Variants in ZCCHC10 observed in about 807,000 individuals in gnomAD.
ZCCHC10 encodes zinc finger CCHC-type containing 10, also known as zinc finger CCHC domain-containing protein 10.
In ZCCHC10, 16 loss-of-function variants were observed where a neutral mutation model predicts 19.5. The observed-to-expected ratio is 0.82, with a 90% confidence interval of 0.56 to 1.25. The LOEUF (loss-of-function observed/expected upper bound fraction) is 1.25. Among genes scored for constraint, ZCCHC10 ranks in the 50% most tolerant of loss-of-function variants. The pLI is 0.00. For missense variants in ZCCHC10, 197 were observed against 201.0 expected (o/e 0.98, Z 0.12); for synonymous variants, 67 against 72.5 (o/e 0.92, Z 0.38).
intron 2 of ZCCHC10, among the ~76,000 whole-genome samples, chr5:133,017,630 A>G (rs1764010521): frequency 6.6e-6 from 1 of 152,188 alleles, no homozygotes; most frequent in African/African-American, 2.4e-5. Context: ...TCAGCATCCC[A>G]AAGTGCTGGG....
chr5:133,018,999 C>A (rs1028893227), intron 2 of ZCCHC10: 88 of 424,486 alleles, frequency 2.1e-4, no homozygotes, highest in Non-Finnish European at 3.9e-4. Flanking sequence ...AAACTGGTAG[C>A]TTGGGACCCT....
At chr5:133,024,561 T>C (rs940841480) in intron 1 of ZCCHC10, among the ~76,000 whole-genome samples, 5 of 152,164 alleles carry the variant, frequency 3.3e-5, no homozygotes, top group African/African-American at 1.2e-4. Flanking sequence ...GGTGACATCA[T>C]TTAGCACTCC....
intron 2 of ZCCHC10, among the ~76,000 whole-genome samples, chr5:133,015,487 C>T (rs114762127): frequency 4.6e-4 from 70 of 152,244 alleles, no homozygotes; most frequent in African/African-American, 1.7e-3. Context: ...GACTTCACAA[C>T]TTGCTTCCAA....
intron 3 of ZCCHC10, among the ~76,000 whole-genome samples, chr5:133,002,522 G>A (rs530805818): frequency 2.6e-5 from 4 of 152,008 alleles, no homozygotes; most frequent in African/African-American, 4.8e-5. Flanking sequence ...TTCATAACCC[G>A]TATTTCATTC....
chr5:133,013,345 A>G (rs961863306), intron 2 of ZCCHC10, among the ~76,000 whole-genome samples: 1 of 151,942 alleles, frequency 6.6e-6, no homozygotes, highest in African/African-American at 2.4e-5. Context: ...AAGAAAAGCA[A>G]ATTAAAACCC....
intron 2 of ZCCHC10, among the ~76,000 whole-genome samples, chr5:133,010,978 G>A (rs1763466978): frequency 6.7e-6 from 1 of 150,066 alleles, no homozygotes; most frequent in Non-Finnish European, 1.5e-5. Context: ...TTTTAGTAGA[G>A]ATGGGGTTTC....
chr5:133,025,051 T>C (rs1376760107), intron 1 of ZCCHC10, among the ~76,000 whole-genome samples: 1 of 152,150 alleles, frequency 6.6e-6, no homozygotes, highest in African/African-American at 2.4e-5. Flanking sequence ...AAAGGGATTA[T>C]TTGAATTAAA....
chr5:133,001,862 A>G (rs906719368), intron 3 of ZCCHC10, among the ~76,000 whole-genome samples: 4 of 152,016 alleles, frequency 2.6e-5, no homozygotes, highest in African/African-American at 9.7e-5. Flanking sequence ...TTTTTTACAC[A>G]ATGGAATTAC....
intron 1 of ZCCHC10, among the ~76,000 whole-genome samples, chr5:133,023,252 T>C (rs537124879): frequency 6.6e-6 from 1 of 152,216 alleles, no homozygotes; most frequent in Non-Finnish European, 1.5e-5. Context: ...TAAGGTTTAA[T>C]AGAAGAAATG....
At position 133,010,865 on chromosome 5, in the gene ZCCHC10, C is replaced by G. The variant is rs184191402; in HGVS notation, c.108-3945G>C. Among the ~76,000 whole-genome samples the G allele has an allele frequency of 4.3e-3, 657 of 152,052 alleles. 3 individuals are homozygous for G. The highest frequency in any genetic ancestry group is 0.011 in the South Asian group (51 of 4,816). ...GGAGTGCAATGGCGCAATCTCAGGT[C>G]ACTGCAACATCCACCTCCCGGATTC... is the stretch of plus-strand genomic sequence containing the variant. On this transcript the variant is annotated intron_variant, in intron 2 of 4. Transcript: ENST00000509437.
At chr5:133,019,015 T>A (rs985488767) in intron 2 of ZCCHC10, 7 of 438,274 alleles carry the variant, frequency 1.6e-5, no homozygotes, top group Non-Finnish European at 2.3e-5. Context: ...ACCCTAGTCA[T>A]TAAAAATATC....
chr5:133,008,173 C>T (rs1340121710), intron 2 of ZCCHC10, among the ~76,000 whole-genome samples: 5 of 145,160 alleles, frequency 3.4e-5, no homozygotes, highest in Non-Finnish European at 7.5e-5. Context: ...TGCAGTGAGC[C>T]GAGATTGCGC....
intron 1 of ZCCHC10, among the ~76,000 whole-genome samples, chr5:133,025,925 C>T (rs78113300): frequency 1.3e-5 from 2 of 152,204 alleles, no homozygotes; most frequent in African/African-American, 4.8e-5. Context: ...GTCTTGAACA[C>T]CTCTATTTAT....
At chr5:133,008,282 G>A (rs1266984823) in intron 2 of ZCCHC10, among the ~76,000 whole-genome samples, 1 of 150,346 alleles carries the variant, frequency 6.7e-6, no homozygotes, top group African/African-American at 2.5e-5. Context: ...GCTCACGCCT[G>A]TAATCCCAGC....
intron 2 of ZCCHC10, among the ~76,000 whole-genome samples, chr5:133,018,863 C>T (rs1300038027): frequency 6.6e-6 from 1 of 152,144 alleles, no homozygotes; most frequent in South Asian, 2.1e-4. Context: ...CAGTAATCGT[C>T]TTTTCTTTCT....
chr5:133,006,938 G>GA lies in ZCCHC10; in HGVS notation c.108-19dup. 6.3e-7 allele frequency: 1 copy of GA among 1,574,928 alleles called. No homozygotes were observed. Among genetic ancestry groups the GA allele is most frequent in the Non-Finnish European group, 8.6e-7 (1 of 1,164,420 alleles). Reference sequence around the variant, plus strand: ...TTGCTTCACTACAGAACAAAAAACAGAATACAAGCCTTAAAATTCTGTCTT... The same window carrying GA: ...TTGCTTCACTACAGAACAAAAAACAGAAATACAAGCCTTAAAATTCTGTCTT... On this transcript the variant is annotated intron_variant, in intron 2 of 4. Coordinates refer to ENST00000509437, the MANE Select transcript of ZCCHC10 (RefSeq NM_001300816.3).
intron 2 of ZCCHC10, among the ~76,000 whole-genome samples, chr5:133,021,932 T>C (rs991602205): frequency 4.6e-5 from 7 of 151,910 alleles, no homozygotes; most frequent in Admixed American, 1.3e-4. Context: ...TAGCTGGAAT[T>C]ACAGGTGCCC....
chr5:133,005,474 C>A (rs1360640670), intron 3 of ZCCHC10, among the ~76,000 whole-genome samples: 1 of 151,908 alleles, frequency 6.6e-6, no homozygotes, highest in Admixed American at 6.6e-5. Context: ...ATTAGCCAGG[C>A]GTGGTGGTGT....
chr5:133,022,370 T>C (rs943355506), intron 2 of ZCCHC10, among the ~76,000 whole-genome samples: 3 of 152,062 alleles, frequency 2.0e-5, no homozygotes, highest in Admixed American at 6.6e-5. Context: ...GGGACAACCA[T>C]AGAATTAATA....
Sources: allele counts gnomAD v4.1 joint callset (sites outside exome capture counted in the v4.1 genomes callset), GRCh38; gene constraint gnomAD v4.1.1; transcripts MANE v1.5; gene names NCBI Gene and HGNC (gene_info 2026-07-23, HGNC 2026-07-21).